MGST2: variants seen among roughly 807,000 people sequenced by gnomAD.
MGST2 encodes the protein microsomal glutathione S-transferase 2.
A neutral mutation model predicts 16.6 loss-of-function variants in MGST2; 9 were observed. The ratio of observed to expected loss-of-function variants is 0.54; its 90% CI spans 0.33 to 0.95. The LOEUF (loss-of-function observed/expected upper bound fraction) is 0.95. Among genes scored for constraint, MGST2 ranks in the 40% least tolerant of loss-of-function variants. The pLI, the probability that MGST2 is intolerant of heterozygous loss-of-function variation, is 0.03. For missense variants in MGST2, 159 were observed against 175.1 expected (o/e 0.91, Z 0.52); for synonymous variants, 79 against 68.0 (o/e 1.16, Z -0.79).
At chr4:139,684,802 T>C (rs1211085177) in intron 2 of MGST2, among the ~76,000 whole-genome samples, 1 of 152,120 alleles carries the variant, frequency 6.6e-6, no homozygotes, top group Non-Finnish European at 1.5e-5. Context: ...TTCTGACTGT[T>C]TTCAGGACAG....
At chr4:139,725,340 G>A (rs958832041) in intron 5 of MGST2, among the ~76,000 whole-genome samples, 1 of 152,162 alleles carries the variant, frequency 6.6e-6, no homozygotes, top group Admixed American at 6.5e-5. Context: ...AAAAGATGTG[G>A]CACAAGATTT....
the MGST2 span, among the ~76,000 whole-genome samples, chr4:139,751,123 G>A: frequency 1.3e-5 from 2 of 152,162 alleles, no homozygotes; most frequent in Admixed American, 1.3e-4. Flanking sequence ...GTCACCCATA[G>A]GTATTTTCCA....
chr4:139,704,117 A>G lies in MGST2; in HGVS notation c.413A>G (p.Asn138Ser), dbSNP rs1280217972. The G allele has an allele frequency of 1.9e-6, 3 of 1,614,168 alleles. No individual in the cohort carries two copies. The highest frequency in any genetic ancestry group is 2.2e-5 in the East Asian group (1 of 44,878). ...TTTCTGGATGAATATCTGGACCTCA[A>G]TATTGCCAAGAAACTGAGGCGGCAA... ...NSFLDEYLDL[N>S]IAKKLRRQF Residue 138 changes from asparagine (N) to serine (S), a missense_variant, in exon 5 of 5, where the codon AAT (asparagine) becomes AGT (serine). Transcript: ENST00000265498.
At chr4:139,704,547 A>T (rs1727442395), downstream of MGST2, among the ~76,000 whole-genome samples, 1 of 152,198 alleles carries the variant, frequency 6.6e-6, no homozygotes, top group African/African-American at 2.4e-5. Flanking sequence ...AAAACAACAG[A>T]TAGGAAGGCA....
chr4:139,672,943 A>T (rs191203552), intron 1 of MGST2, among the ~76,000 whole-genome samples: 2 of 152,100 alleles, frequency 1.3e-5, no homozygotes, highest in African/African-American at 4.8e-5. Context: ...GGAAGGGAAG[A>T]GCCTGCTTTG....
At position 139,730,903 on chromosome 4, in the gene MGST2, C is replaced by T. The variant is rs1048468433; in HGVS notation, c.*49-9309C>T. The T allele has an allele frequency of 7.2e-5, 41 of 572,138 alleles. No individual in the cohort carries two copies. In the African/African-American group the frequency reaches 7.5e-4, roughly 10 times the overall value. 35.4% of individuals were successfully genotyped at this position (572,138 alleles called of 1,614,324 possible). On this transcript the variant is annotated intron_variant, in intron 5 of 5. Transcript: ENST00000616265. ...AGCATGGCTCTGGGAAGTCCAAGGC[C>T]AAGTCCAGTCTGTTTCGGATGGGAC...
chr4:139,749,803 T>C, the MGST2 span, among the ~76,000 whole-genome samples: 5 of 152,172 alleles, frequency 3.3e-5, no homozygotes, highest in Non-Finnish European at 7.3e-5. Flanking sequence ...AATGCAGTAA[T>C]TATTTTACAG....
At chr4:139,684,399 G>C (rs955420159) in intron 2 of MGST2, among the ~76,000 whole-genome samples, 1 of 152,198 alleles carries the variant, frequency 6.6e-6, no homozygotes, top group Admixed American at 6.5e-5. Flanking sequence ...GAACAAAAGA[G>C]GACTGAGCCC....
intron 5 of MGST2, among the ~76,000 whole-genome samples, chr4:139,722,312 T>C (rs910198638): frequency 6.6e-6 from 1 of 152,214 alleles, no homozygotes; most frequent in Non-Finnish European, 1.5e-5. Context: ...CCACATTCTT[T>C]TTCACCTAAG....
chr4:139,690,605 G>A (rs1726521414), intron 2 of MGST2, among the ~76,000 whole-genome samples: 1 of 152,198 alleles, frequency 6.6e-6, no homozygotes, highest in Admixed American at 6.5e-5. Flanking sequence ...GCTCCTGGGT[G>A]TGGGCCTCCT....
chr4:139,666,103 TGTGCGCGTGTGTGC>T (rs774712796), intron 1 of MGST2, 26 bp downstream of exon 1: 1 of 1,533,786 alleles, frequency 6.5e-7, no homozygotes, highest in Admixed American at 1.8e-5. Context: ...AGTTCGTGTG[TGTGCGCGTGTGTGC>T]GTGTGTGTGT....
chr4:139,718,986 G>T (rs946148946), intron 5 of MGST2: 25 of 252,274 alleles, frequency 9.9e-5, no homozygotes, highest in Non-Finnish European at 1.2e-4. Flanking sequence ...AGTCCCTCTC[G>T]GCTGAAGCAG....
At chr4:139,748,400 G>C in the MGST2 span, among the ~76,000 whole-genome samples, 1 of 152,196 alleles carries the variant, frequency 6.6e-6, no homozygotes. Context: ...GGAGGGTCTA[G>C]AAATGGAAAG....
chr4:139,727,795 T>A (rs1728537372), intron 5 of MGST2, among the ~76,000 whole-genome samples: 1 of 152,244 alleles, frequency 6.6e-6, no homozygotes, highest in Non-Finnish European at 1.5e-5. Context: ...CAAATCCTTC[T>A]GTTTTCCCTC....
At chr4:139,673,818 A>ACAG (rs979900347) in intron 1 of MGST2, among the ~76,000 whole-genome samples, 3 of 152,218 alleles carry the variant, frequency 2.0e-5, no homozygotes, top group African/African-American at 7.2e-5. Flanking sequence ...ATTCTGGATT[A>ACAG]CAGGAGTGAG....
intron 5 of MGST2, among the ~76,000 whole-genome samples, chr4:139,712,350 A>C (rs72728789): frequency 0.095 from 14,450 of 152,260 alleles, 804 homozygotes; most frequent in East Asian, 0.18. Flanking sequence ...CAAACTTAAA[A>C]ACAACTAGTG....
intron 5 of MGST2, chr4:139,720,014 A>AC (rs1728165212): frequency 1.2e-6 from 2 of 1,613,660 alleles, no homozygotes; most frequent in Non-Finnish European, 1.7e-6. Flanking sequence ...CACCATTCCA[A>AC]CCCCCTGCCC....
At chr4:139,702,158 C>T (rs1348786899) in intron 3 of MGST2, among the ~76,000 whole-genome samples, 14 of 152,146 alleles carry the variant, frequency 9.2e-5, no homozygotes, top group Admixed American at 7.2e-4. Context: ...TCACTGGATG[C>T]GATGATAGAA....
chr4:139,725,324 A>G (rs1378056496), intron 5 of MGST2, among the ~76,000 whole-genome samples: 1 of 152,222 alleles, frequency 6.6e-6, no homozygotes, highest in Non-Finnish European at 1.5e-5. Context: ...CTGCTGGGAT[A>G]AGCAAAAAAG....
Sources: gnomAD v4.1 joint callset for allele counts (sites outside exome capture counted in the v4.1 genomes callset) on GRCh38, gnomAD v4.1.1 for gene constraint, MANE v1.5 for transcripts, NCBI Gene and HGNC (gene_info 2026-07-23, HGNC 2026-07-21) for gene names.